Variants in MAP4K4 observed in about 807,000 individuals in gnomAD.
The protein encoded by MAP4K4 is HPK/GCK-like kinase HGK.
Under a neutral mutation model 189.6 loss-of-function variants are expected in MAP4K4, and 38 were observed. The ratio of observed to expected loss-of-function variants is 0.20; its 90% CI spans 0.15 to 0.26. The LOEUF is 0.26. Ranked by LOEUF, MAP4K4 falls within the 10% of genes least tolerant of loss-of-function variation. The pLI is 1.00. For synonymous variants in MAP4K4, 610 were observed against 624.3 expected, an observed-to-expected ratio of 0.98 and a Z score of 0.34; for missense variants, 1,054 against 1,726.9, an observed-to-expected ratio of 0.61 and a Z score of 6.91.
chr2:101,745,815 A>G (rs1444506631), intron 2 of MAP4K4, among the ~76,000 whole-genome samples: 2 of 151,430 alleles, frequency 1.3e-5, no homozygotes, highest in Non-Finnish European at 2.9e-5. Context: ...AATGTAAATA[A>G]ACCCCTTACA....
intron 23 of MAP4K4, among the ~76,000 whole-genome samples, chr2:101,871,143 G>A (rs905334377): frequency 1.3e-5 from 2 of 152,016 alleles, no homozygotes; most frequent in Admixed American, 6.6e-5. Context: ...ATGTGGAAAA[G>A]ACCAGGATTC....
chr2:101,807,258 A>G (rs1299522917), intron 3 of MAP4K4, among the ~76,000 whole-genome samples: 3 of 151,680 alleles, frequency 2.0e-5, no homozygotes, highest in Non-Finnish European at 4.4e-5. Flanking sequence ...GGGTCTCACT[A>G]TATTGCCCAG....
At chr2:101,800,820 G>A (rs953114491) in intron 3 of MAP4K4, among the ~76,000 whole-genome samples, 1 of 152,056 alleles carries the variant, frequency 6.6e-6, no homozygotes, top group South Asian at 2.1e-4. Flanking sequence ...TATGCTTTAG[G>A]AATAACTATT....
In MAP4K4 at chr2:101,836,456, C is replaced by T. The variant is rs192244928; in HGVS notation, c.773+478C>T. Among the ~76,000 whole-genome samples the T allele has an allele frequency of 3.1e-3, 471 of 152,146 alleles. 3 individuals carry two copies. The highest frequency in any genetic ancestry group is 0.01 in the African/African-American group (434 of 41,524). On this transcript the variant is annotated intron_variant, in intron 9 of 32. Transcript: ENST00000324219. ...ACACAAAATTAGCCGGGCGTGGTGG[C>T]ACATGCCTCTAATCCCAGCTACTCG...
At chr2:101,815,348 T>A (rs933043348) in intron 3 of MAP4K4, among the ~76,000 whole-genome samples, 7 of 152,232 alleles carry the variant, frequency 4.6e-5, no homozygotes, top group Admixed American at 2.0e-4. Flanking sequence ...TGGGTTCTAA[T>A]TTAATGGACC....
chr2:101,891,119 G>A (rs765469470), intron 32 of MAP4K4, 47 bp from the exon 33 acceptor site: 14 of 1,457,836 alleles, frequency 9.6e-6, no homozygotes, highest in Non-Finnish European at 1.3e-5. Context: ...GGCTGGAAGT[G>A]CTTCATGACC....
chr2:101,803,073 A>G (rs924266330), intron 3 of MAP4K4, among the ~76,000 whole-genome samples: 4 of 152,260 alleles, frequency 2.6e-5, no homozygotes, highest in African/African-American at 9.6e-5. Flanking sequence ...GGCGTCAGCC[A>G]CTGAGCATGG....
chr2:101,745,762 T>G lies in MAP4K4; in HGVS notation c.124-44958T>G, dbSNP rs193079408. On this transcript the variant is annotated intron_variant, in intron 2 of 32. Coordinates refer to ENST00000324219, the Ensembl canonical transcript of MAP4K4. ...AACTGCTTGTCTGGTTGTGCATTAC[T>G]AAATTATTTCTGGATCCACTAGCTT... Among the ~76,000 whole-genome samples the G allele has an allele frequency of 2.5e-3, 385 of 152,290 alleles. 12 individuals carry two copies. The highest frequency in any genetic ancestry group is 0.024 in the Admixed American group (374 of 15,296).
intron 3 of MAP4K4, among the ~76,000 whole-genome samples, chr2:101,794,351 A>G (rs577566131): frequency 6.6e-6 from 1 of 152,314 alleles, no homozygotes; most frequent in Non-Finnish European, 1.5e-5. Context: ...GATTGCTTTT[A>G]CCAGTGATTG....
At chr2:101,698,411 C>T (rs922352234) in intron 1 of MAP4K4, 62 bp from the exon 2 acceptor site, 2 of 1,429,470 alleles carry the variant, frequency 1.4e-6, no homozygotes, top group Non-Finnish European at 2.0e-6. Context: ...AACTGCCTTG[C>T]TTGATTTATT....
intron 12 of MAP4K4, among the ~76,000 whole-genome samples, chr2:101,849,732 A>G (rs1406814996): frequency 3.3e-5 from 5 of 151,122 alleles, no homozygotes; most frequent in Admixed American, 2.0e-4. Context: ...TTCTTTGTCT[A>G]AGTTTAATAA....
chr2:101,840,073 C>T, intron 10 of MAP4K4, 79 bp downstream of exon 10: 1 of 1,388,516 alleles, frequency 7.2e-7, no homozygotes, highest in Non-Finnish European at 9.7e-7. Context: ...TCCCTCCCTT[C>T]CCAGCTGTGA....
intron 2 of MAP4K4, among the ~76,000 whole-genome samples, chr2:101,761,959 TG>T (rs1558791933): frequency 6.6e-6 from 1 of 152,110 alleles, no homozygotes; most frequent in Non-Finnish European, 1.5e-5. Flanking sequence ...TGGAGAACAG[TG>T]GGTTAGGCTG....
chr2:101,876,211 G>A (rs761030963), intron 26 of MAP4K4, among the ~76,000 whole-genome samples: 3 of 152,098 alleles, frequency 2.0e-5, no homozygotes, highest in Admixed American at 6.5e-5. Context: ...AAGTAGCAGC[G>A]TGGAATTAGG....
intron 2 of MAP4K4, among the ~76,000 whole-genome samples, chr2:101,760,556 G>GTA (rs2075906965): frequency 6.8e-6 from 1 of 147,020 alleles, no homozygotes. Flanking sequence ...GTGTGTGTGT[G>GTA]TGTATATGTA....
rs879848005 is a variant in MAP4K4, at chr2:101,871,794, C to G, written c.2952+109C>G. On this transcript the variant is annotated intron_variant, in intron 24 of 32. Coordinates refer to ENST00000324219, the Ensembl canonical transcript of MAP4K4. ...ACACCCTCACCCCTTCCCTTCCCAC[C>G]CTGCTTTCTCTGTCACCTACCCTTC... is the stretch of plus-strand genomic sequence containing the variant. The G allele has an allele frequency of 6.0e-6, 6 of 993,094 alleles. No homozygotes were observed. The Admixed American group carries it at 1.6e-4, about 26-fold the overall frequency. The allele number at this position is 993,094 out of a possible 1,614,324, so 61.5% of individuals were successfully genotyped here. A position where few individuals can be genotyped will look rare whatever the true frequency, so the allele number is the denominator to read the frequency against.
chr2:101,728,437 T>C (rs1214194402), intron 2 of MAP4K4, among the ~76,000 whole-genome samples: 1 of 152,218 alleles, frequency 6.6e-6, no homozygotes, highest in Non-Finnish European at 1.5e-5. Flanking sequence ...CTCAACATTT[T>C]ATTATGAAAA....
At chr2:101,740,123 T>C (rs2061966288) in intron 2 of MAP4K4, among the ~76,000 whole-genome samples, 1 of 151,988 alleles carries the variant, frequency 6.6e-6, no homozygotes, top group Non-Finnish European at 1.5e-5. Flanking sequence ...TCTGTCGCTT[T>C]CTTGGCTTCA....
chr2:101,745,343 A>G (rs954911922), intron 2 of MAP4K4, among the ~76,000 whole-genome samples: 2 of 88,168 alleles, frequency 2.3e-5, no homozygotes, highest in South Asian at 4.0e-4. Context: ...CCCCCCCCCA[A>G]TACTGCTGTC....
Sources: gnomAD v4.1 joint callset for allele counts (sites outside exome capture counted in the v4.1 genomes callset) on GRCh38, gnomAD v4.1.1 for gene constraint, MANE v1.5 for transcripts, NCBI Gene and HGNC (gene_info 2026-07-23, HGNC 2026-07-21) for gene names.